The following NOL4 variants were observed in gnomAD, a reference collection of about 807,000 sequenced individuals.
NOL4 encodes cancer/testis antigen 125.
Under a neutral mutation model 75.9 loss-of-function variants are expected in NOL4, and 17 were observed. That is an observed-to-expected ratio of 0.22 (90% CI 0.15 to 0.34). The LOEUF (loss-of-function observed/expected upper bound fraction) is 0.34, where lower values mean the gene tolerates loss of function less well. Among genes scored for constraint, NOL4 ranks in the 10% least tolerant of loss-of-function variants. The probability of loss-of-function intolerance (pLI) is 1.00; values close to 1 mark genes in which losing one functional copy is unlikely to be tolerated. For synonymous variants in NOL4, 292 were observed against 289.9 expected, an observed-to-expected ratio of 1.01 and a Z score of -0.07; for missense variants, 614 against 793.5, an observed-to-expected ratio of 0.77 and a Z score of 2.72.
At chr18:34,169,643 T>C (rs561616546) in intron 1 of NOL4, among the ~76,000 whole-genome samples, 6 of 152,266 alleles carry the variant, frequency 3.9e-5, no homozygotes, top group African/African-American at 1.2e-4. Flanking sequence ...AATAAAGGGA[T>C]AGAAGAATAT....
chr18:33,970,391 T>C (rs2070955935), intron 6 of NOL4, among the ~76,000 whole-genome samples: 1 of 152,142 alleles, frequency 6.6e-6, no homozygotes, highest in South Asian at 2.1e-4. Flanking sequence ...GAAAAAATTG[T>C]TTATTAATGT....
Position 34,019,531 on chromosome 18 carries a change from T to G in NOL4, c.843A>C (p.Thr281=). 6.2e-7 allele frequency: 1 copy of G among 1,614,060 alleles called. No homozygotes were observed. The highest frequency in any genetic ancestry group is 8.5e-7 in the Non-Finnish European group (1 of 1,179,974). ...TGGAGTCTCCCATCTCCCTGCTGTGTGTTCCCCCTGAAGCAATTGAACTGT... is the reference window on the plus strand; with the variant it reads ...TGGAGTCTCCCATCTCCCTGCTGTGGGTTCCCCCTGAAGCAATTGAACTGT... ...LGHSSIASGG[T]HSREMGDSNS... The change falls in exon 6 of 11, where the codon ACA becomes ACC. Residue 281 remains threonine, a synonymous_variant. Transcript: ENST00000261592.
At chr18:34,190,098 G>A (rs959046868) in intron 1 of NOL4, among the ~76,000 whole-genome samples, 3 of 150,754 alleles carry the variant, frequency 2.0e-5, no homozygotes, top group African/African-American at 4.9e-5. Flanking sequence ...GCATATATAT[G>A]TATTAGATCT....
chr18:33,992,527 A>G (rs1161841645), intron 6 of NOL4, among the ~76,000 whole-genome samples: 1 of 152,044 alleles, frequency 6.6e-6, no homozygotes, highest in Non-Finnish European at 1.5e-5. Context: ...AATAACAGTG[A>G]GAGTCTGTGG....
At chr18:34,101,898 T>C (rs1258197861) in intron 4 of NOL4, among the ~76,000 whole-genome samples, 2 of 152,106 alleles carry the variant, frequency 1.3e-5, no homozygotes, top group Non-Finnish European at 2.9e-5. Context: ...GTTCTTAAAA[T>C]GTAAGACTCT....
At chr18:34,002,342 C>T (rs1234819607) in intron 6 of NOL4, among the ~76,000 whole-genome samples, 1 of 152,024 alleles carries the variant, frequency 6.6e-6, no homozygotes, top group Admixed American at 6.6e-5. Context: ...GGCTTGTCTC[C>T]AAGTTTTGTT....
At chr18:34,114,821 G>A (rs1272075953) in intron 2 of NOL4, among the ~76,000 whole-genome samples, 1 of 151,888 alleles carries the variant, frequency 6.6e-6, no homozygotes, top group Non-Finnish European at 1.5e-5. Flanking sequence ...TGGACCATGG[G>A]TGGCTTATCC....
At chr18:33,948,211 C>A (rs1223393923) in intron 8 of NOL4, among the ~76,000 whole-genome samples, 1 of 151,916 alleles carries the variant, frequency 6.6e-6, no homozygotes, top group East Asian at 1.9e-4. Context: ...GTGACATCCA[C>A]CCAAGGTTGT....
At chr18:34,142,243 C>T (rs2081200917) in intron 1 of NOL4, among the ~76,000 whole-genome samples, 1 of 152,180 alleles carries the variant, frequency 6.6e-6, no homozygotes, top group South Asian at 2.1e-4. Flanking sequence ...GGACTGTAAA[C>T]TAGTTCAACC....
chr18:33,856,879 G>A (rs1436964681), intron 10 of NOL4, among the ~76,000 whole-genome samples: 2 of 152,032 alleles, frequency 1.3e-5, no homozygotes, highest in Non-Finnish European at 2.9e-5. Context: ...ACTGAGGAGA[G>A]TAAAAAGCTT....
intron 1 of NOL4, among the ~76,000 whole-genome samples, chr18:34,213,807 A>C (rs1286778875): frequency 3.9e-5 from 6 of 152,326 alleles, no homozygotes; most frequent in African/African-American, 1.4e-4. Context: ...AACAACACAA[A>C]ATGGACTAAG....
chr18:33,881,378 C>T (rs1489050700), intron 10 of NOL4, among the ~76,000 whole-genome samples: 1 of 148,704 alleles, frequency 6.7e-6, no homozygotes, highest in African/African-American at 2.5e-5. Context: ...GCCTAATTGC[C>T]CTGGCCAGAA....
At chr18:33,912,491 G>A (rs1426026578) in intron 9 of NOL4, among the ~76,000 whole-genome samples, 1 of 152,050 alleles carries the variant, frequency 6.6e-6, no homozygotes, top group East Asian at 1.9e-4. Context: ...GCTTTAAAAT[G>A]TGAGATGGTA....
intron 1 of NOL4, among the ~76,000 whole-genome samples, chr18:34,145,886 A>G (rs912416572): frequency 2.6e-5 from 4 of 152,096 alleles, no homozygotes; most frequent in African/African-American, 9.7e-5. Context: ...ACCCAAGAAA[A>G]CAACACTGAA....
chr18:34,045,935 A>G (rs1285388020), intron 5 of NOL4, among the ~76,000 whole-genome samples: 1 of 152,146 alleles, frequency 6.6e-6, no homozygotes, highest in African/African-American at 2.4e-5. Flanking sequence ...TCAACCATCA[A>G]TCACAATGGG....
At chr18:34,132,137 A>G (rs749345242) in intron 1 of NOL4, among the ~76,000 whole-genome samples, 6 of 152,064 alleles carry the variant, frequency 3.9e-5, no homozygotes, top group Non-Finnish European at 8.8e-5. Flanking sequence ...TTATATTACC[A>G]TTGTCTCTTC....
chr18:34,130,104 GT>G (rs1367533712), intron 1 of NOL4, 84 bp from the exon 2 acceptor site: 3 of 1,293,258 alleles, frequency 2.3e-6, no homozygotes, highest in Non-Finnish European at 3.0e-6. Context: ...AAAACAAAAT[GT>G]TTTTATAACC....
intron 5 of NOL4, among the ~76,000 whole-genome samples, chr18:34,074,068 C>A (rs1217844303): frequency 6.6e-6 from 1 of 151,426 alleles, no homozygotes; most frequent in East Asian, 1.9e-4. Flanking sequence ...GAGGAAACAG[C>A]TAAAATATTT....
chr18:33,924,099 G>A (rs752084527), intron 9 of NOL4, among the ~76,000 whole-genome samples: 1 of 152,134 alleles, frequency 6.6e-6, no homozygotes, highest in Non-Finnish European at 1.5e-5. Flanking sequence ...TGCATTTAGG[G>A]CAGAACTTCC....
Sources: gnomAD v4.1 joint callset for allele counts (sites outside exome capture counted in the v4.1 genomes callset) on GRCh38, gnomAD v4.1.1 for gene constraint, MANE v1.5 for transcripts, NCBI Gene and HGNC (gene_info 2026-07-23, HGNC 2026-07-21) for gene names.